The following DNAH9 variants were observed in gnomAD, a reference collection of about 807,000 sequenced individuals.
DNAH9 encodes the protein DNAH9 variant protein.
Under a neutral mutation model 471.6 loss-of-function variants are expected in DNAH9, and 345 were observed. The ratio of observed to expected loss-of-function variants is 0.73; its 90% confidence interval spans 0.67 to 0.80. DNAH9 has a LOEUF of 0.80. DNAH9 is among the 30% of genes least tolerant of loss of function. The pLI is 0.00. For synonymous variants in DNAH9, 2,093 were observed against 2,123.6 expected (o/e 0.99, Z 0.40); for missense variants, 5,407 against 5,609.2 (o/e 0.96, Z 1.15).
intron 50 of DNAH9, among the ~76,000 whole-genome samples, chr17:11,865,093 A>G (rs982017114): frequency 8.5e-5 from 13 of 152,102 alleles, no homozygotes; most frequent in Non-Finnish European, 1.6e-4. Context: ...TTTGCTCGTT[A>G]GTTGATGCAG....
rs138729730 is a variant in DNAH9, at chr17:11,784,257, C to T, written c.7822-43C>T. ...AATTCAGAAGCGGTGATTTCTACTC[C>T]GTGGTAACGGATGTTGAGCTCATGC... On this transcript the variant is annotated intron_variant, in intron 40 of 68. Transcript: ENST00000262442. The T allele has an allele frequency of 7.4e-4, 1,193 of 1,606,446 alleles. 8 individuals carry two copies. The African/African-American group carries it at 0.014, about 18-fold the overall frequency.
intron 8 of DNAH9, among the ~76,000 whole-genome samples, chr17:11,634,047 A>G (rs2073116521): frequency 6.6e-6 from 1 of 152,128 alleles, no homozygotes. Flanking sequence ...TTGAAATTTT[A>G]TGGGTTCTGG....
chr17:11,920,423 C>A (rs1974099715), intron 61 of DNAH9, among the ~76,000 whole-genome samples: 1 of 151,166 alleles, frequency 6.6e-6, no homozygotes, highest in African/African-American at 2.4e-5. Flanking sequence ...GAGTTTGAGA[C>A]CAGCCTGTCT....
rs762339970 is a variant in DNAH9 at position 11,854,374 on chromosome 17, C to T, written c.9879C>T (p.Thr3293=). The change falls in exon 50 of 69, where the codon ACC becomes ACT. Residue 3293 remains threonine (T), a synonymous_variant. Transcript: ENST00000262442. The part of the protein sequence containing the change: ...EPKRQALNKA[T]ADLTAAQEKL... Reference sequence around the variant, plus strand: ...AGCGCCAGGCACTGAACAAAGCCACCGCGGACCTCACAGCTGCCCAGGAGA... The same window carrying T: ...AGCGCCAGGCACTGAACAAAGCCACTGCGGACCTCACAGCTGCCCAGGAGA... 1.5e-5 allele frequency: 25 copies of T among 1,613,924 alleles called. No individual in the cohort carries two copies. The highest frequency in any genetic ancestry group is 1.3e-4 in the South Asian group (12 of 91,074).
Position 11,781,112 on chromosome 17 carries a change from G to A in DNAH9, c.7656G>A (p.Val2552=). 1 of 1,614,182 alleles carries A rather than the reference G, an allele frequency of 6.2e-7. No individual in the cohort carries two copies. The highest frequency in any genetic ancestry group is 8.5e-7 in the Non-Finnish European group (1 of 1,180,044). ...TTGATGACATGAACATGCCTGAGGT[G>A]GATGCCTACGGGACGGTGCAGCCCC... The part of the protein sequence containing the change: ...YFIDDMNMPE[V]DAYGTVQPHT... Residue 2552 remains valine (V), a synonymous_variant, in exon 39 of 69, where the codon GTG becomes GTA. Coordinates refer to ENST00000262442, the MANE Select transcript of DNAH9 (RefSeq NM_001372.4).
chr17:11,809,279 C>A (rs1969801288), intron 44 of DNAH9, among the ~76,000 whole-genome samples: 1 of 152,132 alleles, frequency 6.6e-6, no homozygotes, highest in Admixed American at 6.5e-5. Context: ...CATAAGAACA[C>A]AAGAGGCTGG....
rs575159768 is a variant in DNAH9, at chr17:11,601,852, C to T, written c.417+2937C>T. Among the ~76,000 whole-genome samples, 10 of 152,266 alleles carry T rather than the reference C, an allele frequency of 6.6e-5. No individual in the cohort carries two copies. The South Asian group carries it at 2.1e-3, about 32-fold the overall frequency. On this transcript the variant is annotated intron_variant, in intron 1 of 68. Coordinates refer to ENST00000262442, the MANE Select transcript of DNAH9 (RefSeq NM_001372.4). ...CAGAAGAACCTACCTGGCTGAGAGA[C>T]GTCTTCCTGCCTTGTGTGTGTGTGG...
intron 41 of DNAH9, among the ~76,000 whole-genome samples, chr17:11,790,121 GTT>G (rs35320322): frequency 7.5e-5 from 10 of 134,124 alleles, no homozygotes; most frequent in African/African-American, 2.5e-4. Flanking sequence ...GATGTGCAGG[GTT>G]TTTTTTTAAT....
In DNAH9 at chr17:11,652,829, AAAGACAATGTGG is replaced by A. The variant is rs1343082017; in HGVS notation, c.2427_2438del (p.Asp809_Glu812del). ...TCTTGAACAAAGAATTCAGAAAACT[AAAGACAATGTGG>A]AAGAGATCCAAAACATCATGAAAAC... On this transcript the variant is annotated inframe_deletion, in exon 14 of 69. Transcript: ENST00000262442. 1.2e-6 allele frequency: 2 copies of A among 1,613,844 alleles called. No individual in the cohort carries two copies. The highest frequency in any genetic ancestry group is 1.7e-6 in the Non-Finnish European group (2 of 1,179,686).
At chr17:11,727,047 C>CAAAAAAAAAAAAAAAAA (rs55659834) in intron 27 of DNAH9, among the ~76,000 whole-genome samples, 3 of 68,464 alleles carry the variant, frequency 4.4e-5, no homozygotes, top group African/African-American at 1.9e-4. Context: ...GACTCCGTCT[C>CAAAAAAAAAAAAAAAAA]AAAAAAAAAA....
chr17:11,801,813 G>A (rs372555645), intron 43 of DNAH9, among the ~76,000 whole-genome samples: 2 of 152,054 alleles, frequency 1.3e-5, no homozygotes, highest in East Asian at 1.9e-4. Flanking sequence ...CTTTAAGGGC[G>A]AATTTAATTT....
intron 49 of DNAH9, chr17:11,853,082 G>A (rs1440038037): frequency 1.3e-5 from 2 of 151,862 alleles, no homozygotes; most frequent in East Asian, 1.9e-4. Flanking sequence ...CTGCCTAGGA[G>A]AGATCCAAAT....
chr17:11,769,382 T>C (rs965500295), intron 38 of DNAH9, 53 bp downstream of exon 38: 52 of 1,503,648 alleles, frequency 3.5e-5, no homozygotes, highest in South Asian at 1.1e-4. Context: ...CCGTGTCACC[T>C]GACACAGAGC....
intron 66 of DNAH9, among the ~76,000 whole-genome samples, chr17:11,940,260 G>A (rs994179858): frequency 2.6e-5 from 4 of 152,182 alleles, no homozygotes; most frequent in African/African-American, 4.8e-5. Context: ...ATACGTCTGT[G>A]GACCTGGGTC....
chr17:11,964,490 C>G (rs1976522298), intron 68 of DNAH9, among the ~76,000 whole-genome samples: 1 of 152,140 alleles, frequency 6.6e-6, no homozygotes, highest in African/African-American at 2.4e-5. Flanking sequence ...AGCTGTTGTT[C>G]TCAAAGGTTT....
Position 11,793,657 on chromosome 17 carries a change from C to G in DNAH9, c.8216C>G (p.Thr2739Ser). The G allele has an allele frequency of 6.2e-7, 1 of 1,608,660 alleles. No individual in the cohort carries two copies. The highest frequency in any genetic ancestry group is 8.5e-7 in the Non-Finnish European group (1 of 1,177,982). Residue 2739 changes from threonine to serine, a missense_variant, in exon 42 of 69, where the codon ACT becomes AGT. Coordinates refer to ENST00000262442, the MANE Select transcript of DNAH9 (RefSeq NM_001372.4). The stretch of plus-strand genomic sequence containing the variant: ...ATCCAGACAGAAGTGCTCAAGAAAA[C>G]TTTTGATGTGAGTATTGCCCTATGG... ...DKIQTEVLKK[T>S]FDDIEDPVEQ...
At chr17:11,647,523 T>C (rs1274441713) in intron 12 of DNAH9, among the ~76,000 whole-genome samples, 1 of 152,182 alleles carries the variant, frequency 6.6e-6, no homozygotes, top group Non-Finnish European at 1.5e-5. Context: ...CATTTTTCAC[T>C]AGGGTTGCTC....
intron 56 of DNAH9, chr17:11,884,668 A>G: frequency 1.2e-5 from 5 of 417,732 alleles, no homozygotes; most frequent in Non-Finnish European, 2.0e-5. Context: ...TTGAGGTTGG[A>G]GTGATGAGAT....
At chr17:11,898,160 G>C (rs1268910385) in intron 59 of DNAH9, among the ~76,000 whole-genome samples, 1 of 148,738 alleles carries the variant, frequency 6.7e-6, no homozygotes, top group Non-Finnish European at 1.5e-5. Context: ...GAGTCTCGCT[G>C]TGTCGCCAGG....
Sources: allele counts gnomAD v4.1 joint callset (sites outside exome capture counted in the v4.1 genomes callset), GRCh38; gene constraint gnomAD v4.1.1; transcripts MANE v1.5; gene names NCBI Gene and HGNC (gene_info 2026-07-23, HGNC 2026-07-21).